RPS6KC1: variants seen among roughly 807,000 people sequenced by gnomAD.
RPS6KC1 encodes the protein ribosomal protein S6 kinase C1, also known as inactive ribosomal protein S6 kinase delta-1.
Under a neutral mutation model 103.8 loss-of-function variants are expected in RPS6KC1, and 54 were observed. The ratio of observed to expected loss-of-function variants is 0.52; its 90% CI spans 0.42 to 0.65. The LOEUF (loss-of-function observed/expected upper bound fraction) is 0.65. Ranked by LOEUF, RPS6KC1 falls within the 30% of genes least tolerant of loss-of-function variation. The pLI is 0.00. For missense variants in RPS6KC1, 1,151 were observed against 1,253.8 expected (o/e 0.92, Z 1.24); for synonymous variants, 439 against 438.7 (o/e 1.00, Z -0.01).
At chr1:213,089,813 T>C (rs2080804224) in intron 3 of RPS6KC1, among the ~76,000 whole-genome samples, 1 of 152,226 alleles carries the variant, frequency 6.6e-6, no homozygotes, top group South Asian at 2.1e-4. Context: ...CAAAAATCTA[T>C]TACCTCATGC....
chr1:213,286,031 A>G, the RPS6KC1 span, among the ~76,000 whole-genome samples: 1 of 152,234 alleles, frequency 6.6e-6, no homozygotes, highest in Non-Finnish European at 1.5e-5. Context: ...GACGTGGGAC[A>G]AAACAGATAA....
At chr1:213,516,502 C>T in the RPS6KC1 span, among the ~76,000 whole-genome samples, 2,651 of 152,164 alleles carry the variant, frequency 0.017, 74 homozygotes, top group African/African-American at 0.056. Flanking sequence ...TGTTTTTTGT[C>T]GTTGGTTCTG....
chr1:213,546,192 CT>C, the RPS6KC1 span: 1 of 152,238 alleles, frequency 6.6e-6, no homozygotes, highest in African/African-American at 2.4e-5. Flanking sequence ...TTGTTGAGCA[CT>C]TACTCTGCCA....
chr1:213,553,453 G>T, the RPS6KC1 span, among the ~76,000 whole-genome samples: 1 of 152,180 alleles, frequency 6.6e-6, no homozygotes, highest in African/African-American at 2.4e-5. Flanking sequence ...ATTGTGAATA[G>T]TGCTGCAATA....
intron 6 of RPS6KC1, among the ~76,000 whole-genome samples, chr1:213,164,431 T>C (rs2090766502): frequency 6.6e-6 from 1 of 152,202 alleles, no homozygotes; most frequent in Admixed American, 6.5e-5. Flanking sequence ...ATAATCACCC[T>C]GTATGATCAG....
the RPS6KC1 span, among the ~76,000 whole-genome samples, chr1:213,319,547 G>T: frequency 3.3e-5 from 5 of 152,176 alleles, no homozygotes; most frequent in Non-Finnish European, 7.4e-5. Context: ...CTTATTATAT[G>T]CTGCACAATG....
the RPS6KC1 span, among the ~76,000 whole-genome samples, chr1:213,393,809 A>G: frequency 1.3e-5 from 2 of 152,088 alleles, no homozygotes; most frequent in Non-Finnish European, 2.9e-5. Context: ...GAAAGGGAGG[A>G]GAAGGAGGAG....
At chr1:213,657,474 C>T in the RPS6KC1 span, among the ~76,000 whole-genome samples, 1 of 151,824 alleles carries the variant, frequency 6.6e-6, no homozygotes, top group Non-Finnish European at 1.5e-5. Flanking sequence ...TATTTTTTTG[C>T]CTTGGAATTC....
intron 8 of RPS6KC1, among the ~76,000 whole-genome samples, chr1:213,201,154 C>CA (rs1431090952): frequency 2.0e-5 from 3 of 152,136 alleles, no homozygotes; most frequent in Non-Finnish European, 4.4e-5. Flanking sequence ...GTATCCTGCA[C>CA]AAGGATGTTT....
At chr1:213,856,335 T>C in the RPS6KC1 span, among the ~76,000 whole-genome samples, 1 of 151,010 alleles carries the variant, frequency 6.6e-6, no homozygotes, top group African/African-American at 2.4e-5. Flanking sequence ...GCTTCTATAA[T>C]ACACACACAT....
chr1:213,104,714 A>G (rs915747796), intron 4 of RPS6KC1, 145 bp downstream of exon 4: 3 of 402,926 alleles, frequency 7.4e-6, no homozygotes, highest in African/African-American at 2.1e-5. Context: ...TTTATGGCAT[A>G]TTTCCTATTT....
chr1:213,676,206 G>A, the RPS6KC1 span, among the ~76,000 whole-genome samples: 2 of 152,102 alleles, frequency 1.3e-5, no homozygotes, highest in Non-Finnish European at 2.9e-5. Context: ...TACTCTCTCA[G>A]CTGGCAAGCT....
the RPS6KC1 span, among the ~76,000 whole-genome samples, chr1:213,533,837 T>G: frequency 6.6e-6 from 1 of 152,282 alleles, no homozygotes; most frequent in Admixed American, 6.5e-5. Flanking sequence ...GCAATTACAC[T>G]GCAAAGGGAG....
chr1:213,324,085 G>A, the RPS6KC1 span, among the ~76,000 whole-genome samples: 1 of 152,146 alleles, frequency 6.6e-6, no homozygotes, highest in African/African-American at 2.4e-5. Flanking sequence ...ACTGCTCTGT[G>A]CTATAAAAGC....
At chr1:213,465,390 A>G in the RPS6KC1 span, among the ~76,000 whole-genome samples, 5 of 152,194 alleles carry the variant, frequency 3.3e-5, no homozygotes, top group Admixed American at 2.6e-4. Flanking sequence ...ACCTGGAAGT[A>G]GAATCACTGG....
the RPS6KC1 span, among the ~76,000 whole-genome samples, chr1:213,581,467 TC>T: frequency 6.6e-6 from 1 of 152,038 alleles, no homozygotes; most frequent in African/African-American, 2.4e-5. Flanking sequence ...CCCAGTCCGA[TC>T]CCAGGAAGAA....
the RPS6KC1 span, among the ~76,000 whole-genome samples, chr1:213,734,646 G>T: frequency 6.6e-6 from 1 of 152,194 alleles, no homozygotes; most frequent in Non-Finnish European, 1.5e-5. Flanking sequence ...ATATGCTTGT[G>T]TACCATATTG....
At chr1:213,625,476 C>T in the RPS6KC1 span, among the ~76,000 whole-genome samples, 9 of 151,778 alleles carry the variant, frequency 5.9e-5, no homozygotes, top group East Asian at 1.9e-4. Flanking sequence ...ATGTGCACAA[C>T]GTGCAGGTTT....
chr1:213,845,198 T>C, the RPS6KC1 span, among the ~76,000 whole-genome samples: 2 of 152,184 alleles, frequency 1.3e-5, no homozygotes, highest in African/African-American at 4.8e-5. Context: ...ATTTTGCAAT[T>C]ATTGACTGTA....
Sources: gnomAD v4.1 joint callset for allele counts (sites outside exome capture counted in the v4.1 genomes callset) on GRCh38, gnomAD v4.1.1 for gene constraint, MANE v1.5 for transcripts, NCBI Gene and HGNC (gene_info 2026-07-23, HGNC 2026-07-21) for gene names.